Variants in RBFOX1 observed in about 807,000 individuals in gnomAD.
The protein encoded by RBFOX1 is RNA binding fox-1 homolog 1.
Under a neutral mutation model 57.7 loss-of-function variants are expected in RBFOX1, and 8 were observed. The ratio of observed to expected loss-of-function variants is 0.14; its 90% CI spans 0.08 to 0.25. The LOEUF (loss-of-function observed/expected upper bound fraction) is 0.25. Ranked by LOEUF, RBFOX1 falls within the 10% of genes least tolerant of loss-of-function variation. RBFOX1 has a pLI of 1.00. For missense variants in RBFOX1, 611 were observed against 548.5 expected, an observed-to-expected ratio of 1.11 and a Z score of -1.14; for synonymous variants, 326 against 222.4, an observed-to-expected ratio of 1.47 and a Z score of -4.15.
intron 4 of RBFOX1, among the ~76,000 whole-genome samples, chr16:5,991,644 A>ATTTTTTTTTTTTTTTTTTTTT (rs1567229399): frequency 1.3e-5 from 1 of 78,766 alleles, no homozygotes; most frequent in Non-Finnish European, 2.4e-5. Context: ...ATTATTAGAT[A>ATTTTTTTTTTTTTTTTTTTTT]GTTTTTTTTT....
At chr16:7,140,193 T>TCTCTCTCC (rs1491496466) in intron 4 of RBFOX1, among the ~76,000 whole-genome samples, 6 of 133,724 alleles carry the variant, frequency 4.5e-5, no homozygotes, top group Non-Finnish European at 6.4e-5. Flanking sequence ...TCTCTCTCTC[T>TCTCTCTCC]CCCTCCTTCT....
intron 3 of RBFOX1, among the ~76,000 whole-genome samples, chr16:5,751,071 G>A (rs140705712): frequency 3.3e-5 from 5 of 152,126 alleles, no homozygotes; most frequent in Non-Finnish European, 7.3e-5. Flanking sequence ...TCAAACTTCT[G>A]ACCTGAAGAG....
intron 5 of RBFOX1, among the ~76,000 whole-genome samples, chr16:7,562,887 T>A (rs945266799): frequency 1.3e-5 from 2 of 152,130 alleles, no homozygotes; most frequent in African/African-American, 4.8e-5. Flanking sequence ...AGTTTTAATC[T>A]CATTGATTTT....
chr16:6,654,877 A>G (rs1281075380), intron 3 of RBFOX1, among the ~76,000 whole-genome samples: 1 of 122,018 alleles, frequency 8.2e-6, no homozygotes, highest in African/African-American at 2.7e-5. Context: ...TTTTTACAAA[A>G]AATGTGGTGC....
intron 3 of RBFOX1, among the ~76,000 whole-genome samples, chr16:6,889,745 G>A (rs773131301): frequency 6.6e-6 from 1 of 152,168 alleles, no homozygotes; most frequent in South Asian, 2.1e-4. Flanking sequence ...TCTTGGAATA[G>A]ACCCTTCAGT....
intron 2 of RBFOX1, among the ~76,000 whole-genome samples, chr16:5,514,677 G>A (rs1265521136): frequency 6.6e-6 from 1 of 152,028 alleles, no homozygotes; most frequent in Non-Finnish European, 1.5e-5. Flanking sequence ...AGCTCACATT[G>A]AAATGACAAT....
In RBFOX1 at chr16:7,653,898, A is replaced by G; in HGVS notation, c.841A>G (p.Asn281Asp). 1 of 1,597,992 alleles carries G rather than the reference A, an allele frequency of 6.3e-7. No homozygotes were observed. The highest frequency in any genetic ancestry group is 8.5e-7 in the Non-Finnish European group (1 of 1,177,470). ...HLRGRGRTVYNTFRAAAPPPP... is the reference protein window; with the variant it reads ...HLRGRGRTVYDTFRAAAPPPP... Reference sequence around the variant, plus strand: ...GCGAGGCCGCGGTCGCACCGTGTACAACACCTTCAGGGCCGCGGCGCCCCC... The same window carrying G: ...GCGAGGCCGCGGTCGCACCGTGTACGACACCTTCAGGGCCGCGGCGCCCCC... Residue 281 changes from asparagine (N) to aspartate (D), a missense_variant, in exon 12 of 16, where the codon AAC (asparagine) becomes GAC (aspartate). Physicochemically the swap from Asn to Asp is conservative, Grantham distance 23. Transcript: ENST00000550418.
intron 3 of RBFOX1, among the ~76,000 whole-genome samples, chr16:6,697,641 G>C (rs1461409185): frequency 6.6e-6 from 1 of 152,132 alleles, no homozygotes; most frequent in Non-Finnish European, 1.5e-5. Flanking sequence ...CCAAGCCAAG[G>C]TTATTTGCTC....
chr16:6,240,800 A>T (rs146925010), intron 1 of RBFOX1, among the ~76,000 whole-genome samples: 1 of 151,922 alleles, frequency 6.6e-6, no homozygotes, highest in Non-Finnish European at 1.5e-5. Context: ...TCAGTCTCCA[A>T]CTCTTTCTTG....
At chr16:7,290,988 G>C (rs979493752) in intron 4 of RBFOX1, among the ~76,000 whole-genome samples, 1 of 152,192 alleles carries the variant, frequency 6.6e-6, no homozygotes, top group African/African-American at 2.4e-5. Flanking sequence ...ATTTCATTCT[G>C]TGATTATTTA....
intron 3 of RBFOX1, among the ~76,000 whole-genome samples, chr16:6,875,096 A>G (rs2061597126): frequency 6.6e-6 from 1 of 152,170 alleles, no homozygotes; most frequent in South Asian, 2.1e-4. Context: ...TGTAGGTTGT[A>G]ATCTTATCAA....
At chr16:7,637,657 T>C (rs1187025731) in intron 11 of RBFOX1, among the ~76,000 whole-genome samples, 1 of 152,190 alleles carries the variant, frequency 6.6e-6, no homozygotes, top group Non-Finnish European at 1.5e-5. Context: ...ACAGGTCATT[T>C]TGTTACTGAC....
At chr16:5,521,061 A>G (rs2043993143) in intron 2 of RBFOX1, among the ~76,000 whole-genome samples, 1 of 152,226 alleles carries the variant, frequency 6.6e-6, no homozygotes, top group Non-Finnish European at 1.5e-5. Context: ...TCAAGAAGAT[A>G]CTGAACCAGC....
intron 4 of RBFOX1, among the ~76,000 whole-genome samples, chr16:7,433,940 C>T (rs2098702456): frequency 6.6e-6 from 1 of 152,160 alleles, no homozygotes; most frequent in African/African-American, 2.4e-5. Flanking sequence ...TTAGACAATT[C>T]ATTTATAAGC....
At chr16:7,344,648 C>A (rs149916173) in intron 4 of RBFOX1, among the ~76,000 whole-genome samples, 36 of 151,696 alleles carry the variant, frequency 2.4e-4, no homozygotes, top group Non-Finnish European at 4.6e-4. Context: ...GGATTTTTTC[C>A]TAAATAATTT....
intron 1 of RBFOX1, among the ~76,000 whole-genome samples, chr16:5,314,117 G>T (rs939458750): frequency 2.0e-5 from 3 of 152,224 alleles, no homozygotes; most frequent in African/African-American, 7.2e-5. Context: ...TTGACAATCT[G>T]ATGAGCTGGG....
intron 3 of RBFOX1, among the ~76,000 whole-genome samples, chr16:5,751,694 T>C (rs2151620866): frequency 6.6e-6 from 1 of 152,274 alleles, no homozygotes; most frequent in Admixed American, 6.5e-5. Flanking sequence ...AATGGAAAAA[T>C]ACTGTTAGCT....
At chr16:6,647,343 T>G (rs1471551711) in intron 2 of RBFOX1, among the ~76,000 whole-genome samples, 1 of 152,196 alleles carries the variant, frequency 6.6e-6, no homozygotes, top group African/African-American at 2.4e-5. Context: ...CCTCCTGGGT[T>G]GAAATGATTC....
In RBFOX1 at chr16:7,256,383, A is replaced by G. The variant is rs116951638; in HGVS notation, c.27+204285A>G. Among the ~76,000 whole-genome samples, 6 of 152,200 alleles carry G rather than the reference A, an allele frequency of 3.9e-5. No individual in the cohort carries two copies. In the South Asian group the frequency reaches 1.0e-3, roughly 26 times the overall value. On this transcript the variant is annotated intron_variant, in intron 4 of 15. Coordinates refer to ENST00000550418, the MANE Select transcript of RBFOX1 (RefSeq NM_018723.4). ...AGGTTTGGCCTCAGATTCATTTTCA[A>G]TCTCTTTGAAAGACAAAGGCGGCTG...
Sources: gnomAD v4.1 joint callset for allele counts (sites outside exome capture counted in the v4.1 genomes callset) on GRCh38, gnomAD v4.1.1 for gene constraint, MANE v1.5 for transcripts, NCBI Gene and HGNC (gene_info 2026-07-23, HGNC 2026-07-21) for gene names.